MYO5B: variants seen among roughly 807,000 people sequenced by gnomAD.
MYO5B encodes unconventional myosin-Vb.
A neutral mutation model predicts 229.3 loss-of-function variants in MYO5B; 143 were observed. That is an observed-to-expected ratio of 0.62 (90% CI 0.54 to 0.72). The LOEUF is 0.72. Ranked by LOEUF, MYO5B falls within the 30% of genes least tolerant of loss-of-function variation. MYO5B has a pLI of 0.00. For synonymous variants in MYO5B, 918 were observed against 885.2 expected (o/e 1.04, Z -0.66); for missense variants, 2,321 against 2,331.0 (o/e 1.00, Z 0.09).
At chr18:49,942,207 A>G (rs1460774785) in intron 14 of MYO5B, among the ~76,000 whole-genome samples, 1 of 151,332 alleles carries the variant, frequency 6.6e-6, no homozygotes, top group Non-Finnish European at 1.5e-5. Context: ...TAAAGACTTA[A>G]ATGTTAGACC....
chr18:50,077,889 T>C (rs905410778), intron 1 of MYO5B, among the ~76,000 whole-genome samples: 5 of 152,148 alleles, frequency 3.3e-5, no homozygotes, highest in African/African-American at 1.2e-4. Flanking sequence ...AACACATCCA[T>C]TGACCTTTAT....
chr18:50,055,540 A>G (rs1312674640), intron 1 of MYO5B, among the ~76,000 whole-genome samples, 162 bp from the exon 2 acceptor site: 5 of 152,338 alleles, frequency 3.3e-5, no homozygotes, highest in Non-Finnish European at 7.3e-5. Flanking sequence ...CGATATCATG[A>G]TAACAGGGGA....
At chr18:49,982,488 A>G (rs2144296376) in intron 8 of MYO5B, among the ~76,000 whole-genome samples, 1 of 152,352 alleles carries the variant, frequency 6.6e-6, no homozygotes, top group East Asian at 1.9e-4. Flanking sequence ...TCCTCGCACT[A>G]CATTGATGAG....
chr18:49,990,514 C>G lies in MYO5B; in HGVS notation c.763G>C (p.Asp255His). 3.7e-6 allele frequency: 6 copies of G among 1,613,558 alleles called. No homozygotes were observed. The highest frequency in any genetic ancestry group is 5.1e-6 in the Non-Finnish European group (6 of 1,179,568). Residue 255 changes from aspartate to histidine, a missense_variant, in exon 7 of 40, where the codon GAT becomes CAT. Asp to His is a moderately conservative substitution (Grantham distance 81). Around this residue, in one of 2 missense-constraint regions of MYO5B, gnomAD observed 2,113 missense variants for 2,044.7 expected, o/e 1.03. Coordinates refer to ENST00000285039, the MANE Select transcript of MYO5B (RefSeq NM_001080467.3). ...EKSRVVFQAD[D>H]ERNYHIFYQL... is the part of the protein sequence containing the mutation. ...TAAAAGATGTGGTAATTCCTCTCAT[C>G]ATCTGCCTGGAGGAGGAAGAAGTGA...
intron 1 of MYO5B, among the ~76,000 whole-genome samples, chr18:50,149,241 T>G (rs1271383698): frequency 6.6e-6 from 1 of 151,972 alleles, no homozygotes; most frequent in Non-Finnish European, 1.5e-5. Flanking sequence ...ATCAATATCG[T>G]GAAAATGGCC....
chr18:50,051,318 CCT>C (rs2030386402), intron 2 of MYO5B, among the ~76,000 whole-genome samples: 1 of 152,180 alleles, frequency 6.6e-6, no homozygotes, highest in African/African-American at 2.4e-5. Context: ...CACATGCTCC[CCT>C]GTCTTCCTCT....
intron 21 of MYO5B, among the ~76,000 whole-genome samples, chr18:49,899,391 C>A (rs1262662242): frequency 6.6e-6 from 1 of 152,170 alleles, no homozygotes; most frequent in African/African-American, 2.4e-5. Flanking sequence ...TTATTTGACA[C>A]TGGGTCACAC....
chr18:50,045,296 G>A (rs561711451), intron 2 of MYO5B, among the ~76,000 whole-genome samples: 1 of 152,154 alleles, frequency 6.6e-6, no homozygotes, highest in South Asian at 2.1e-4. Context: ...ATGACACAGG[G>A]CTGCAAAATT....
At chr18:49,873,058 C>A (rs2024474478) in intron 26 of MYO5B, among the ~76,000 whole-genome samples, 1 of 152,238 alleles carries the variant, frequency 6.6e-6, no homozygotes, top group African/African-American at 2.4e-5. Context: ...CATGACACTA[C>A]CGCAGGTAGT....
intron 9 of MYO5B, among the ~76,000 whole-genome samples, chr18:49,976,365 C>T (rs1263924502): frequency 2.0e-5 from 3 of 152,074 alleles, no homozygotes; most frequent in East Asian, 1.9e-4. Flanking sequence ...TAATAGAACG[C>T]CAGAATAATA....
intron 4 of MYO5B, among the ~76,000 whole-genome samples, chr18:50,020,910 T>C (rs1373490899): frequency 6.6e-6 from 1 of 152,230 alleles, no homozygotes; most frequent in African/African-American, 2.4e-5. Flanking sequence ...ACATACCTAC[T>C]CAGAATTTTA....
intron 21 of MYO5B, among the ~76,000 whole-genome samples, chr18:49,900,028 T>C (rs1310676628): frequency 6.6e-6 from 1 of 152,340 alleles, no homozygotes; most frequent in East Asian, 1.9e-4. Flanking sequence ...AAGTTAACTT[T>C]AGAAATCAGC....
At chr18:50,035,807 C>T (rs543759167) in intron 4 of MYO5B, among the ~76,000 whole-genome samples, 8 of 152,258 alleles carry the variant, frequency 5.3e-5, no homozygotes, top group African/African-American at 1.9e-4. Context: ...TTAGATTTTT[C>T]AGCTCTCCAA....
At chr18:49,942,932 A>T (rs1196384724) in intron 14 of MYO5B, among the ~76,000 whole-genome samples, 1 of 152,140 alleles carries the variant, frequency 6.6e-6, no homozygotes. Context: ...TTATTGCGGC[A>T]CTATTCACAA....
At chr18:49,902,867 T>G (rs775413455) in intron 20 of MYO5B, 34 bp from the exon 21 acceptor site, 2 of 1,596,200 alleles carry the variant, frequency 1.3e-6, no homozygotes, top group South Asian at 2.2e-5. Context: ...TCTTGTGGGT[T>G]TGCACTGCAG....
intron 4 of MYO5B, among the ~76,000 whole-genome samples, chr18:50,023,375 G>T (rs936713581): frequency 6.6e-6 from 1 of 152,050 alleles, no homozygotes; most frequent in African/African-American, 2.4e-5. Context: ...ACCAAGCTGC[G>T]GCGTGACCAC....
At chr18:50,004,742 G>A (rs953854838) in intron 4 of MYO5B, among the ~76,000 whole-genome samples, 5 of 152,130 alleles carry the variant, frequency 3.3e-5, no homozygotes, top group African/African-American at 1.2e-4. Context: ...GGGCAACAGA[G>A]CAAGATCTCA....
At position 50,105,016 on chromosome 18, in the gene MYO5B, C is replaced by T. The variant is rs145457669; in HGVS notation, c.28-49638G>A. 1.3e-4 allele frequency among the ~76,000 whole-genome samples: 20 copies of T among 151,632 alleles called. No individual in the cohort carries two copies. In the East Asian group the frequency reaches 3.5e-3, roughly 26 times the overall value. On this transcript the variant is annotated intron_variant, in intron 1 of 39. Transcript: ENST00000285039. ...CCGGGAGGACTCCAGAGGGGGTACA[C>T]GAGGACATCTAGGAGCAGGAAGTTA...
chr18:49,899,940 A>G (rs926644888), intron 21 of MYO5B, among the ~76,000 whole-genome samples: 1 of 152,092 alleles, frequency 6.6e-6, no homozygotes, highest in African/African-American at 2.4e-5. Context: ...TTTTTTTTAA[A>G]TAGGCCATTT....
Sources: allele counts gnomAD v4.1 joint callset (sites outside exome capture counted in the v4.1 genomes callset), GRCh38; gene constraint gnomAD v4.1.1; regional missense constraint gnomAD v4.1.1; transcripts MANE v1.5; gene names NCBI Gene and HGNC (gene_info 2026-07-23, HGNC 2026-07-21).